PCDH15: variants seen among roughly 807,000 people sequenced by gnomAD.
PCDH15 encodes the protein protocadherin-15.
In PCDH15, 129 loss-of-function variants were observed where a neutral mutation model predicts 178.5. The ratio of observed to expected loss-of-function variants is 0.72; its 90% CI spans 0.63 to 0.84. The LOEUF is 0.84. Among genes scored for constraint, PCDH15 ranks in the 40% least tolerant of loss-of-function variants. The probability of loss-of-function intolerance (pLI) is 0.00; values close to 1 mark genes in which losing one functional copy is unlikely to be tolerated. For missense variants in PCDH15, 2,230 were observed against 2,099.9 expected, an observed-to-expected ratio of 1.06 and a Z score of -1.21; for synonymous variants, 800 against 732.0, an observed-to-expected ratio of 1.09 and a Z score of -1.50.
intron 13 of PCDH15, among the ~76,000 whole-genome samples, chr10:54,157,737 A>T (rs2045306701): frequency 6.6e-6 from 1 of 152,132 alleles, no homozygotes; most frequent in African/African-American, 2.4e-5. Flanking sequence ...CCAAACTTTT[A>T]TGTTCTGTTT....
intron 25 of PCDH15, among the ~76,000 whole-genome samples, chr10:53,915,957 G>T (rs1325446395): frequency 6.6e-6 from 1 of 152,090 alleles, no homozygotes; most frequent in Non-Finnish European, 1.5e-5. Flanking sequence ...GTGGGGGATT[G>T]GTCCCAGGAC....
intron 15 of PCDH15, among the ~76,000 whole-genome samples, chr10:54,122,616 T>A (rs2041638393): frequency 6.6e-6 from 1 of 151,928 alleles, no homozygotes. Flanking sequence ...ACTATCTGCC[T>A]TCACTGGTGA....
chr10:53,809,274 T>C (rs776113798), intron 37 of PCDH15: 34 of 1,614,020 alleles, frequency 2.1e-5, no homozygotes, highest in South Asian at 1.6e-4. Flanking sequence ...CAGTGCTTTC[T>C]GTTGCTTCCT....
intron 23 of PCDH15, among the ~76,000 whole-genome samples, chr10:53,945,868 T>TATATATATATG (rs2086522657): frequency 1.5e-5 from 2 of 134,858 alleles, no homozygotes; most frequent in Non-Finnish European, 3.2e-5. Flanking sequence ...TATATATATA[T>TATATATATATG]ATATATATAT....
intron 15 of PCDH15, among the ~76,000 whole-genome samples, chr10:54,115,624 A>G (rs903367703): frequency 3.9e-5 from 6 of 152,222 alleles, no homozygotes; most frequent in African/African-American, 1.4e-4. Flanking sequence ...GGACCATATC[A>G]CATCCATAAT....
intron 2 of PCDH15, among the ~76,000 whole-genome samples, chr10:55,370,356 A>T (rs533981112): frequency 6.6e-6 from 1 of 152,266 alleles, no homozygotes; most frequent in African/African-American, 2.4e-5. Flanking sequence ...AAAATTAAAA[A>T]GCTCACTTGA....
intron 2 of PCDH15, among the ~76,000 whole-genome samples, chr10:55,446,547 A>G (rs560606453): frequency 1.3e-5 from 2 of 152,208 alleles, no homozygotes; most frequent in South Asian, 4.1e-4. Context: ...AGATCCAATG[A>G]AAAAGAGTTC....
At chr10:54,633,258 A>C (rs968285378) in intron 2 of PCDH15, among the ~76,000 whole-genome samples, 1 of 152,118 alleles carries the variant, frequency 6.6e-6, no homozygotes, top group African/African-American at 2.4e-5. Context: ...CATCCACTGG[A>C]GATTTTCTTC....
intron 2 of PCDH15, among the ~76,000 whole-genome samples, chr10:55,545,477 T>C (rs1841859689): frequency 6.6e-6 from 1 of 151,530 alleles, no homozygotes; most frequent in African/African-American, 2.4e-5. Context: ...GGTTTCACCA[T>C]GTTGGCCAGA....
chr10:55,042,046 C>T (rs921524321), intron 2 of PCDH15, among the ~76,000 whole-genome samples: 2 of 152,102 alleles, frequency 1.3e-5, no homozygotes, highest in African/African-American at 4.8e-5. Flanking sequence ...TATTCAGATA[C>T]AAGGCGGGAA....
In PCDH15 at chr10:53,860,051, A is replaced by T. The variant is rs1396605777; in HGVS notation, c.3718-2788T>A. Among the ~76,000 whole-genome samples the T allele has an allele frequency of 3.3e-5, 5 of 152,276 alleles. No individual in the cohort carries two copies. In the South Asian group the frequency reaches 1.0e-3, roughly 32 times the overall value. On this transcript the variant is annotated intron_variant, in intron 27 of 37. Transcript: ENST00000644397. ...CTTCAAATAGGAATTTCTAGTGGAT[A>T]TTCTGTATTTTTCCATCATCTATAC...
chr10:55,490,046 A>T (rs1216035558), intron 2 of PCDH15, among the ~76,000 whole-genome samples: 1 of 151,918 alleles, frequency 6.6e-6, no homozygotes, highest in East Asian at 2.0e-4. Flanking sequence ...ACAGAAAAAA[A>T]AATTTGAAAA....
chr10:55,538,601 C>T (rs200294814), intron 2 of PCDH15, among the ~76,000 whole-genome samples: 1 of 67,542 alleles, frequency 1.5e-5, no homozygotes. Context: ...TTCCTTCCTT[C>T]CTTTCCTTCC....
chr10:53,978,727 T>A (rs763676746), intron 21 of PCDH15, among the ~76,000 whole-genome samples: 27 of 152,058 alleles, frequency 1.8e-4, no homozygotes, highest in Non-Finnish European at 2.9e-4. Flanking sequence ...CTGCTTCCTT[T>A]TGAACACTTT....
chr10:55,598,267 G>T (rs1488246705), intron 2 of PCDH15, among the ~76,000 whole-genome samples: 2 of 151,660 alleles, frequency 1.3e-5, no homozygotes, highest in East Asian at 1.9e-4. Context: ...CTACGAAAGG[G>T]ACTTTAATGT....
chr10:54,145,591 G>A (rs534075895), intron 14 of PCDH15, among the ~76,000 whole-genome samples: 2 of 152,156 alleles, frequency 1.3e-5, no homozygotes, highest in East Asian at 3.9e-4. Context: ...AGAAGTTACA[G>A]GGCAGAGTTT....
intron 3 of PCDH15, among the ~76,000 whole-genome samples, chr10:54,823,517 T>C (rs1953081354): frequency 6.6e-6 from 1 of 152,114 alleles, no homozygotes; most frequent in African/African-American, 2.4e-5. Context: ...GAAATAAGCA[T>C]TTTTATATAT....
chr10:54,438,069 G>C (rs1294362465), intron 3 of PCDH15, among the ~76,000 whole-genome samples: 1 of 151,904 alleles, frequency 6.6e-6, no homozygotes, highest in Non-Finnish European at 1.5e-5. Flanking sequence ...AGGTCTAGTT[G>C]CATGTAAATT....
rs1841154877 is a variant in PCDH15 at position 53,806,356 on chromosome 10, G to T, written c.*223C>A. The T allele has an allele frequency of 4.2e-6, 2 of 478,010 alleles. No individual in the cohort carries two copies. Among genetic ancestry groups the T allele is most frequent in the Admixed American group, 7.4e-5 (2 of 26,940 alleles). 29.6% of individuals were successfully genotyped at this position (478,010 alleles called of 1,614,324 possible). A position where few individuals can be genotyped will look rare whatever the true frequency, so the allele number is the denominator to read the frequency against. ...AAACAGCTAAATGTTTAAACGATAG[G>T]TTATTTAGTGAAAGTATGTCCAAAA... On this transcript the variant is annotated 3_prime_UTR_variant, in exon 38 of 38. Coordinates refer to ENST00000644397, the MANE Select transcript of PCDH15 (RefSeq NM_001384140.1).
Sources: gnomAD v4.1 joint callset for allele counts (sites outside exome capture counted in the v4.1 genomes callset) on GRCh38, gnomAD v4.1.1 for gene constraint, MANE v1.5 for transcripts, NCBI Gene and HGNC (gene_info 2026-07-23, HGNC 2026-07-21) for gene names.